The following EML4 variants were observed in gnomAD, a reference collection of about 807,000 sequenced individuals.
The protein encoded by EML4 is EMAP like 4, also known as echinoderm microtubule-associated protein-like 4.
Under a neutral mutation model 129.0 loss-of-function variants are expected in EML4, and 72 were observed. That is an observed-to-expected ratio of 0.56 (90% CI 0.46 to 0.68). The LOEUF is 0.68. Ranked by LOEUF, EML4 falls within the 30% of genes least tolerant of loss-of-function variation. The pLI, the probability that EML4 is intolerant of heterozygous loss-of-function variation, is 0.00. For missense variants in EML4, 1,363 were observed against 1,190.6 expected, an observed-to-expected ratio of 1.14 and a Z score of -2.13; for synonymous variants, 532 against 405.0, an observed-to-expected ratio of 1.31 and a Z score of -3.77.
chr2:42,176,919 G>A (rs1188789789), intron 1 of EML4, among the ~76,000 whole-genome samples: 2 of 152,088 alleles, frequency 1.3e-5, no homozygotes, highest in East Asian at 1.9e-4. Flanking sequence ...TCAGCCTTCC[G>A]ACTAGGTGGT....
At position 42,330,138 on chromosome 2, in the gene EML4, C is replaced by G. The variant is rs150747163; in HGVS notation, c.2877C>G (p.Asn959Lys). ...LGEPLYEEPC[N>K]EISKEQAKAT... is the part of the protein sequence containing the mutation. Reference sequence around the variant, plus strand: ...AGCCTCTTTATGAAGAGCCATGCAACGAGATAAGCAAGGAGCAGGCCAAAG... The same window carrying G: ...AGCCTCTTTATGAAGAGCCATGCAAGGAGATAAGCAAGGAGCAGGCCAAAG... The change falls in exon 23 of 23, where the codon AAC (asparagine) becomes AAG (lysine). Residue 959 changes from asparagine (N) to lysine (K), a missense_variant. Transcript: ENST00000318522. 1 of 1,612,034 alleles carries G rather than the reference C, an allele frequency of 6.2e-7. No homozygotes were observed. The highest frequency in any genetic ancestry group is 1.6e-4 in the Middle Eastern group (1 of 6,062).
At chr2:42,280,698 C>T in intron 6 of EML4, 152 bp from the exon 7 acceptor site, 1 of 594,856 alleles carries the variant, frequency 1.7e-6, no homozygotes, top group Non-Finnish European at 2.9e-6. Context: ...GGATACAGGA[C>T]AACTATATAA....
intron 1 of EML4, among the ~76,000 whole-genome samples, chr2:42,193,537 C>A (rs1671722368): frequency 6.6e-6 from 1 of 152,182 alleles, no homozygotes; most frequent in South Asian, 2.1e-4. Flanking sequence ...CAATCTGATG[C>A]TATAATGAGA....
chr2:42,243,267 G>T (rs929436783), intron 1 of EML4, among the ~76,000 whole-genome samples: 1 of 152,146 alleles, frequency 6.6e-6, no homozygotes, highest in East Asian at 1.9e-4. Flanking sequence ...GAATAGGAAA[G>T]AATTTTGGGT....
intron 1 of EML4, among the ~76,000 whole-genome samples, chr2:42,193,229 C>G (rs1207653172): frequency 6.6e-6 from 1 of 152,078 alleles, no homozygotes; most frequent in Non-Finnish European, 1.5e-5. Flanking sequence ...TAGGTTATAC[C>G]GTATAGCCTA....
intron 1 of EML4, among the ~76,000 whole-genome samples, chr2:42,213,537 C>T (rs570312475): frequency 6.6e-6 from 1 of 152,176 alleles, no homozygotes; most frequent in Non-Finnish European, 1.5e-5. Context: ...TTTAAAAATA[C>T]TTAATGATTG....
intron 6 of EML4, among the ~76,000 whole-genome samples, chr2:42,266,383 G>T (rs925041681): frequency 3.3e-5 from 5 of 152,162 alleles, no homozygotes; most frequent in African/African-American, 9.7e-5. Context: ...GTCTTGCTCT[G>T]TTGCCCCGGC....
intron 1 of EML4, among the ~76,000 whole-genome samples, chr2:42,183,388 G>A (rs966144112): frequency 5.9e-5 from 9 of 152,116 alleles, no homozygotes; most frequent in Non-Finnish European, 1.0e-4. Flanking sequence ...GTACATTGTC[G>A]GTTTTAAGCA....
chr2:42,239,804 A>G (rs747208817), intron 1 of EML4, among the ~76,000 whole-genome samples: 1 of 152,140 alleles, frequency 6.6e-6, no homozygotes, highest in Non-Finnish European at 1.5e-5. Flanking sequence ...GATCTAATCT[A>G]CTTGATCAAG....
chr2:42,249,949 C>G (rs1001118665), intron 2 of EML4, among the ~76,000 whole-genome samples: 1 of 152,082 alleles, frequency 6.6e-6, no homozygotes, highest in African/African-American at 2.4e-5. Flanking sequence ...ACCTGTACTT[C>G]GGAGCAAAAG....
In EML4 at chr2:42,329,854, G is replaced by T. The variant is rs776283128; in HGVS notation, c.2593G>T (p.Val865Leu). The part of the protein sequence containing the change: ...KDMSIIQWKL[V>L]EKLSLPQNET... ...CATGAGCATCATTCAGTGGAAACTT[G>T]TGGAAAAGTTATCTTTGCCTCAGAA... The change falls in exon 23 of 23, where the codon GTG (valine) becomes TTG (leucine). Residue 865 changes from valine (V) to leucine (L), a missense_variant. By Grantham distance (32) the Val-to-Leu change is conservative. Coordinates refer to ENST00000318522, the MANE Select transcript of EML4 (RefSeq NM_019063.5). 1 of 1,614,100 alleles carries T rather than the reference G, an allele frequency of 6.2e-7. No homozygotes were observed. Among genetic ancestry groups the T allele is most frequent in the South Asian group, 1.1e-5 (1 of 91,080 alleles).
At chr2:42,221,732 T>C (rs1024040753) in intron 1 of EML4, among the ~76,000 whole-genome samples, 1 of 152,004 alleles carries the variant, frequency 6.6e-6, no homozygotes, top group African/African-American at 2.4e-5. Flanking sequence ...GCCTCCTCGG[T>C]AGCTGGGATT....
intron 8 of EML4, among the ~76,000 whole-genome samples, chr2:42,283,223 G>A (rs548527803): frequency 7.2e-5 from 11 of 152,244 alleles, no homozygotes; most frequent in South Asian, 4.1e-4. Flanking sequence ...TTCTCATGTC[G>A]TACAGTCCTT....
intron 1 of EML4, among the ~76,000 whole-genome samples, chr2:42,200,222 G>A (rs1185824966): frequency 2.0e-5 from 3 of 151,962 alleles, no homozygotes; most frequent in Non-Finnish European, 4.4e-5. Flanking sequence ...CTACTCGGGA[G>A]GCTGAGGCAG....
intron 17 of EML4, among the ~76,000 whole-genome samples, chr2:42,308,177 A>G (rs71441190): frequency 0.25 from 38,072 of 152,244 alleles, 5,715 homozygotes; most frequent in East Asian, 0.56. Context: ...AAAATTAAAC[A>G]TATAACCTTA....
intron 1 of EML4, among the ~76,000 whole-genome samples, chr2:42,220,089 T>C (rs1261147979): frequency 1.3e-5 from 2 of 152,086 alleles, no homozygotes; most frequent in Non-Finnish European, 2.9e-5. Context: ...TCATAGATCA[T>C]TGGAAACAGC....
chr2:42,202,613 C>T (rs1468788888), intron 1 of EML4, among the ~76,000 whole-genome samples: 1 of 152,192 alleles, frequency 6.6e-6, no homozygotes, highest in Non-Finnish European at 1.5e-5. Flanking sequence ...GGGCAGGAAC[C>T]ATCCAGCACA....
chr2:42,222,824 A>T (rs949680955), intron 1 of EML4, among the ~76,000 whole-genome samples: 23 of 149,910 alleles, frequency 1.5e-4, no homozygotes, highest in Admixed American at 8.0e-4. Flanking sequence ...TTTGAGATGG[A>T]GTCTCGCTTT....
chr2:42,215,324 A>G (rs1266537507), intron 1 of EML4, among the ~76,000 whole-genome samples: 1 of 152,220 alleles, frequency 6.6e-6, no homozygotes, highest in African/African-American at 2.4e-5. Flanking sequence ...AAGTGCTGGG[A>G]TTATAGGCAT....
Sources: allele counts gnomAD v4.1 joint callset (sites outside exome capture counted in the v4.1 genomes callset), GRCh38; gene constraint gnomAD v4.1.1; transcripts MANE v1.5; gene names NCBI Gene and HGNC (gene_info 2026-07-23, HGNC 2026-07-21).